Variants in RRM2 observed in about 807,000 individuals in gnomAD.
RRM2 encodes ribonucleotide reductase regulatory subunit M2.
Under a neutral mutation model 45.9 loss-of-function variants are expected in RRM2, and 6 were observed. The ratio of observed to expected loss-of-function variants is 0.13; its 90% confidence interval spans 0.07 to 0.26. The LOEUF (loss-of-function observed/expected upper bound fraction) is 0.26, where lower values mean the gene tolerates loss of function less well. RRM2 is among the 10% of genes least tolerant of loss of function. The pLI is 1.00. For synonymous variants in RRM2, 177 were observed against 173.0 expected (o/e 1.02, Z -0.18); for missense variants, 343 against 489.5 (o/e 0.70, Z 2.82).
At chr2:10,128,141 G>A (rs1662822572) in intron 7 of RRM2, among the ~76,000 whole-genome samples, 2 of 152,018 alleles carry the variant, frequency 1.3e-5, no homozygotes, top group East Asian at 1.9e-4. Context: ...CTCCAGCCTG[G>A]GTGACAGTCC....
chr2:10,123,741 C>A lies in RRM2; in HGVS notation c.324C>A (p.Asp108Glu). ...TTGTGACTTCCGAACCTCAGGTGGACCTCTCCAAGGACATTCAGCACTGGG... is the reference window on the plus strand; with the variant it reads ...TTGTGACTTCCGAACCTCAGGTGGAACTCTCCAAGGACATTCAGCACTGGG... ...EASFWTAEEVDLSKDIQHWES... is the reference protein window; with the variant it reads ...EASFWTAEEVELSKDIQHWES... Residue 108 changes from aspartate to glutamate, a missense_variant, in exon 4 of 10, where the codon GAC becomes GAA. Transcript: ENST00000304567. 6.3e-7 allele frequency: 1 copy of A among 1,590,516 alleles called. No homozygotes were observed. Among genetic ancestry groups the A allele is most frequent in the Non-Finnish European group, 8.6e-7 (1 of 1,159,036 alleles).
intron 3 of RRM2, among the ~76,000 whole-genome samples, chr2:10,188,402 G>C (rs1664215387): frequency 6.6e-6 from 1 of 152,212 alleles, no homozygotes; most frequent in South Asian, 2.1e-4. Context: ...CCGCCTTCTT[G>C]CTGTGTCCTC....
intron 3 of RRM2, 43 bp from the exon 4 acceptor site, chr2:10,123,693 A>C (rs772414607): frequency 7.0e-7 from 1 of 1,426,582 alleles, no homozygotes; most frequent in Admixed American, 1.7e-5. Context: ...TGTAGGCTTT[A>C]CTCTCTTCCT....
rs1663815275 is a variant in RRM2, at chr2:10,171,977, T to G, written n.482+29602T>G. 6.6e-6 allele frequency among the ~76,000 whole-genome samples: 1 copy of G among 152,084 alleles called. No individual in the cohort carries two copies. Among genetic ancestry groups the G allele is most frequent in the South Asian group, 2.1e-4 (1 of 4,826 alleles). The stretch of plus-strand genomic sequence containing the variant: ...GGAAAACTTAGGAGACGGTGCTGCT[T>G]GTTTAGAAAACCGGGCAGAGGAGCC... On this transcript the variant is annotated intron_variant and non_coding_transcript_variant, in intron 3 of 3. Coordinates refer to the RRM2 transcript ENST00000381786. The surrounding 1 kb of genome is among the most constrained non-coding windows in gnomAD (Gnocchi z 4.1).
chr2:10,144,741 C>T (rs1663154511), intron 3 of RRM2, among the ~76,000 whole-genome samples: 1 of 152,168 alleles, frequency 6.6e-6, no homozygotes, highest in Non-Finnish European at 1.5e-5. Flanking sequence ...CAGGGAGGGT[C>T]AGCATGTGGA....
chr2:10,146,954 A>G (rs144125930), intron 3 of RRM2, among the ~76,000 whole-genome samples: 2 of 151,772 alleles, frequency 1.3e-5, no homozygotes, highest in African/African-American at 4.8e-5. Flanking sequence ...TAGTTTCTTT[A>G]TTTATTTTTA....
chr2:10,200,098 G>T (rs1235861505), intron 3 of RRM2, among the ~76,000 whole-genome samples: 1 of 152,144 alleles, frequency 6.6e-6, no homozygotes, highest in Non-Finnish European at 1.5e-5. Flanking sequence ...CTCCCAAAGT[G>T]CTGGGATTAC....
chr2:10,122,729 G>A (rs886290998), upstream of RRM2: 7 of 1,551,816 alleles, frequency 4.5e-6, no homozygotes, highest in African/African-American at 4.1e-5. Context: ...GCTGGAGTGA[G>A]GGGTCGCCCG....
At chr2:10,175,212 C>T (rs1054799671) in intron 3 of RRM2, among the ~76,000 whole-genome samples, 2 of 152,208 alleles carry the variant, frequency 1.3e-5, no homozygotes, top group South Asian at 2.1e-4. Flanking sequence ...CAGAGGGCAC[C>T]GCAGGCCCTG....
chr2:10,153,975 GA>G (rs1663370637), intron 3 of RRM2, among the ~76,000 whole-genome samples: 1 of 152,212 alleles, frequency 6.6e-6, no homozygotes, highest in Non-Finnish European at 1.5e-5. Flanking sequence ...GGTTGCACAA[GA>G]TTGTGAATAT....
downstream of RRM2, among the ~76,000 whole-genome samples, chr2:10,132,955 G>C (rs550458628): frequency 6.6e-6 from 1 of 152,244 alleles, no homozygotes; most frequent in African/African-American, 2.4e-5. Flanking sequence ...TCAGGCTGCT[G>C]AGTCAATTGC....
At position 10,182,367 on chromosome 2, in the gene RRM2, A is replaced by C. The variant is rs1288732358; in HGVS notation, n.483-27944A>C. On this transcript the variant is annotated intron_variant and non_coding_transcript_variant, in intron 3 of 3. Coordinates refer to the RRM2 transcript ENST00000381786. ...TCTCAAAACAAACAAACAAACAAAC[A>C]AAAAAAAACCCAAAAAAAATCCCAC... 2.7e-5 allele frequency among the ~76,000 whole-genome samples: 4 copies of C among 147,104 alleles called. No homozygotes were observed. The Admixed American group carries it at 2.8e-4, about 10-fold the overall frequency.
At chr2:10,144,466 T>C (rs1486082796) in intron 3 of RRM2, among the ~76,000 whole-genome samples, 1 of 152,214 alleles carries the variant, frequency 6.6e-6, no homozygotes, top group Non-Finnish European at 1.5e-5. Flanking sequence ...GCCTCGGGGC[T>C]GTAGCACCAG....
At chr2:10,161,680 T>TCACACA (rs59307518) in intron 3 of RRM2, among the ~76,000 whole-genome samples, 1 of 149,792 alleles carries the variant, frequency 6.7e-6, no homozygotes, top group African/African-American at 2.4e-5. Context: ...ACACACACAT[T>TCACACA]CACACACACA....
At position 10,142,278 on chromosome 2, in the gene RRM2, T is replaced by C. The variant is rs1172005461; in HGVS notation, n.385T>C. 4 of 1,434,136 alleles carry C rather than the reference T, an allele frequency of 2.8e-6. No homozygotes were observed. In the African/African-American group the frequency reaches 5.7e-5, roughly 20 times the overall value. The allele number at this position is 1,434,136 out of a possible 1,614,324, so 88.8% of individuals were successfully genotyped here. On this transcript the variant is annotated non_coding_transcript_exon_variant, in exon 3 of 4. Coordinates refer to the RRM2 transcript ENST00000381786. ...AGGGGATGAGAAGCTCGGGAAGGTC[T>C]GACCAGCCTTACGTCTTGAAAGGGA...
chr2:10,184,085 T>C (rs1257619483), intron 3 of RRM2, among the ~76,000 whole-genome samples: 1 of 60,840 alleles, frequency 1.6e-5, no homozygotes, highest in Non-Finnish European at 3.2e-5. Context: ...AGAGCGAGAC[T>C]CCATCTAAAA....
chr2:10,187,449 A>G (rs1011090583), intron 3 of RRM2, among the ~76,000 whole-genome samples: 1 of 152,224 alleles, frequency 6.6e-6, no homozygotes, highest in Admixed American at 6.5e-5. Flanking sequence ...CCCGGGGCCA[A>G]CTGTGCAGTG....
At chr2:10,177,690 C>CCTTG (rs1663947828) in intron 3 of RRM2, among the ~76,000 whole-genome samples, 1 of 150,460 alleles carries the variant, frequency 6.6e-6, no homozygotes, top group African/African-American at 2.5e-5. Context: ...TTCCTTCCTT[C>CCTTG]CTTCCTTCCT....
chr2:10,200,938 G>A (rs1019166791), intron 3 of RRM2, among the ~76,000 whole-genome samples: 7 of 152,184 alleles, frequency 4.6e-5, no homozygotes, highest in Non-Finnish European at 8.8e-5. Context: ...CCTGATGTCA[G>A]GAGTTCAAGA....
Sources: gnomAD v4.1 joint callset for allele counts (sites outside exome capture counted in the v4.1 genomes callset) on GRCh38, gnomAD v4.1.1 for gene constraint, Gnocchi (gnomAD v3.1) non-coding constraint, MANE v1.5 for transcripts, NCBI Gene and HGNC (gene_info 2026-07-23, HGNC 2026-07-21) for gene names.